The following TPO variants were observed in gnomAD, a reference collection of about 807,000 sequenced individuals.
TPO encodes the protein thyroid microsomal antigen.
TPO carries 78 observed loss-of-function variants against 96.9 expected under a neutral mutation model. The observed-to-expected ratio is 0.81, with a 90% CI of 0.67 to 0.97. The LOEUF is 0.97. TPO is among the 50% of genes least tolerant of loss of function. TPO has a pLI of 0.00. For missense variants in TPO, 1,252 were observed against 1,274.8 expected (o/e 0.98, Z 0.27); for synonymous variants, 547 against 538.0 (o/e 1.02, Z -0.23).
chr2:1,374,753 C>T (rs1318136611), intron 1 of TPO, among the ~76,000 whole-genome samples: 1 of 144,884 alleles, frequency 6.9e-6, no homozygotes, highest in South Asian at 2.2e-4. Flanking sequence ...ACTGAGATGA[C>T]GTCTTGCTCT....
At chr2:1,489,822 T>C in intron 10 of TPO, among the ~76,000 whole-genome samples, 1 of 152,234 alleles carries the variant, frequency 6.6e-6, no homozygotes, top group Non-Finnish European at 1.5e-5. Flanking sequence ...AATCTCTTAA[T>C]TAACCTGTGG....
intron 13 of TPO, among the ~76,000 whole-genome samples, chr2:1,497,844 A>G (rs1672508446): frequency 6.6e-6 from 1 of 152,160 alleles, no homozygotes; most frequent in South Asian, 2.1e-4. Flanking sequence ...GCAGAAATAC[A>G]AGCAAAGTCC....
At chr2:1,475,526 C>T (rs1669820084) in intron 7 of TPO, among the ~76,000 whole-genome samples, 1 of 152,110 alleles carries the variant, frequency 6.6e-6, no homozygotes, top group South Asian at 2.1e-4. Flanking sequence ...CAGGTTCACG[C>T]CATTCTCCTG....
intron 1 of TPO, among the ~76,000 whole-genome samples, chr2:1,390,470 A>C (rs1661983265): frequency 6.6e-6 from 1 of 152,186 alleles, no homozygotes; most frequent in South Asian, 2.1e-4. Context: ...TGCTATTGTG[A>C]ATAGTGCTGC....
intron 9 of TPO, 128 bp downstream of exon 9, chr2:1,484,982 T>C: frequency 2.1e-6 from 3 of 1,420,584 alleles, no homozygotes; most frequent in African/African-American, 1.4e-5. Context: ...AGGGTATACA[T>C]GTGCCATGTT....
chr2:1,380,448 T>C (rs1398414970), intron 1 of TPO, among the ~76,000 whole-genome samples: 1 of 151,302 alleles, frequency 6.6e-6, no homozygotes, highest in East Asian at 1.9e-4. Context: ...AGCCATATAA[T>C]GTTAGAGTAA....
Position 1,413,662 on chromosome 2 carries a change from C to A in TPO, c.-2+117C>A, listed in dbSNP as rs1287922820. ...CCATTATAGCAGGTATGGGTGGCGTCTCTCAGCAAAGCTGACTGACTGACT... is the reference window on the plus strand; with the variant it reads ...CCATTATAGCAGGTATGGGTGGCGTATCTCAGCAAAGCTGACTGACTGACT... On this transcript the variant is annotated intron_variant, in intron 1 of 16. Transcript: ENST00000329066. 6 of 985,326 alleles carry A rather than the reference C, an allele frequency of 6.1e-6. No individual in the cohort carries two copies. The African/African-American group carries it at 1.0e-4, about 17-fold the overall frequency. The allele number at this position is 985,326 out of a possible 1,614,324, so 61.0% of individuals were successfully genotyped here.
At chr2:1,521,501 C>G (rs1675261038) in intron 15 of TPO, among the ~76,000 whole-genome samples, 1 of 152,164 alleles carries the variant, frequency 6.6e-6, no homozygotes, top group Non-Finnish European at 1.5e-5. Context: ...ACCCTCCTCC[C>G]CCAGGGCCCT....
chr2:1,524,996 CCACCCAACTCTGAGCAACCTCGCCAAAT>C (rs1472155919), intron 15 of TPO, among the ~76,000 whole-genome samples: 2 of 121,796 alleles, frequency 1.6e-5, no homozygotes, highest in Admixed American at 8.5e-5. Flanking sequence ...CTCCCCAAAT[CCACCCAACTCTGAGCAACCTCGCCAAAT>C]CCCCCAACTC....
chr2:1,456,014 G>T, intron 6 of TPO, 62 bp from the exon 7 acceptor site: 1 of 1,527,662 alleles, frequency 6.5e-7, no homozygotes, highest in Non-Finnish European at 9.0e-7. Flanking sequence ...GATCCCAAAG[G>T]GTCATCTTTC....
Position 1,501,419 on chromosome 2 carries a change from C to CAAATTTGT in TPO, c.2387-2529_2387-2528insAAATTTGT, listed in dbSNP as rs1672862607. Reference sequence around the variant, plus strand: ...GCTCTTCAGACAAGGCCGATTTGTCCCCCTCCTTCCTGTCCATCCTGGGAA... The same window carrying CAAATTTGT: ...GCTCTTCAGACAAGGCCGATTTGTCCAAATTTGTCCCTCCTTCCTGTCCATCCTGGGAA... On this transcript the variant is annotated intron_variant, in intron 13 of 16. Transcript: ENST00000329066. 9.8e-5 allele frequency among the ~76,000 whole-genome samples: 15 copies of CAAATTTGT among 152,332 alleles called. No homozygotes were observed. In the South Asian group the frequency reaches 3.1e-3, roughly 32 times the overall value.
intron 5 of TPO, among the ~76,000 whole-genome samples, chr2:1,443,187 A>G (rs1666362048): frequency 2.0e-5 from 3 of 152,018 alleles, no homozygotes; most frequent in Admixed American, 2.0e-4. Context: ...TTCTTGTTGT[A>G]TGGTGTAGGC....
chr2:1,448,916 CGGCTTCCCA>C (rs1667073022), intron 5 of TPO, among the ~76,000 whole-genome samples: 1 of 152,144 alleles, frequency 6.6e-6, no homozygotes, highest in Non-Finnish European at 1.5e-5. Flanking sequence ...CCCTGACGCC[CGGCTTCCCA>C]AATGTGCTTC....
chr2:1,448,104 A>G (rs1666983500), intron 5 of TPO, among the ~76,000 whole-genome samples: 1 of 152,130 alleles, frequency 6.6e-6, no homozygotes, highest in South Asian at 2.1e-4. Flanking sequence ...CTGGCCTGGG[A>G]GGAGCCGGGA....
intron 8 of TPO, chr2:1,477,935 A>C (rs2175978): frequency 0.62 from 613,046 of 984,926 alleles, 191,999 homozygotes; most frequent in African/African-American, 0.8. Flanking sequence ...CCACAGCCCC[A>C]CAACAGTGGC....
At chr2:1,465,025 G>T (rs1190078037) in intron 7 of TPO, among the ~76,000 whole-genome samples, 1 of 152,238 alleles carries the variant, frequency 6.6e-6, no homozygotes, top group East Asian at 1.9e-4. Context: ...GAGTTTTTAT[G>T]GTTTCAGGTC....
intron 1 of TPO, among the ~76,000 whole-genome samples, chr2:1,382,659 C>A (rs1661827227): frequency 6.6e-6 from 1 of 152,004 alleles, no homozygotes; most frequent in Non-Finnish European, 1.5e-5. Context: ...ATTGTCACAA[C>A]CAGGAATTCC....
At chr2:1,528,785 G>T (rs1677254264) in intron 15 of TPO, among the ~76,000 whole-genome samples, 1 of 106,488 alleles carries the variant, frequency 9.4e-6, no homozygotes, top group Non-Finnish European at 1.8e-5. Context: ...CCCACTGTGT[G>T]CAACCTCCTC....
intron 15 of TPO, among the ~76,000 whole-genome samples, chr2:1,535,115 T>C (rs1157277297): frequency 7.5e-4 from 12 of 15,950 alleles, no homozygotes; most frequent in African/African-American, 2.3e-3. Flanking sequence ...TGTAACCTCC[T>C]CACATCCCCC....
Sources: gnomAD v4.1 joint callset for allele counts (sites outside exome capture counted in the v4.1 genomes callset) on GRCh38, gnomAD v4.1.1 for gene constraint, MANE v1.5 for transcripts, NCBI Gene and HGNC (gene_info 2026-07-23, HGNC 2026-07-21) for gene names.